The following VSTM1 variants were observed in gnomAD, a reference collection of about 807,000 sequenced individuals.
VSTM1 encodes V-set and transmembrane domain-containing protein 1.
In VSTM1, 27 loss-of-function variants were observed where a neutral mutation model predicts 33.1. The ratio of observed to expected loss-of-function variants is 0.82; its 90% CI spans 0.60 to 1.12. The LOEUF (loss-of-function observed/expected upper bound fraction) is 1.12, where lower values mean the gene tolerates loss of function less well. Ranked by LOEUF, VSTM1 falls within the 50% of genes most tolerant of loss-of-function variation. VSTM1 has a pLI of 0.00. For missense variants in VSTM1, 304 were observed against 288.9 expected, an observed-to-expected ratio of 1.05 and a Z score of -0.38; for synonymous variants, 115 against 110.3, an observed-to-expected ratio of 1.04 and a Z score of -0.27.
At chr19:54,044,433 G>A (rs1348039780) in intron 4 of VSTM1, among the ~76,000 whole-genome samples, 1 of 152,004 alleles carries the variant, frequency 6.6e-6, no homozygotes, top group Non-Finnish European at 1.5e-5. Flanking sequence ...GGTGGCGCAC[G>A]CCTGTAGTCC....
chr19:54,060,151 C>T (rs912089408), intron 1 of VSTM1, among the ~76,000 whole-genome samples: 3 of 152,054 alleles, frequency 2.0e-5, no homozygotes, highest in South Asian at 2.1e-4. Flanking sequence ...CGCGCCCGGC[C>T]GAGAGGAGGG....
In VSTM1 at chr19:54,040,989, G is replaced by C. The variant is rs775598769; in HGVS notation, c.683C>G (p.Ser228Cys). ...CACTTTCAGTGCCGCATATTCATGAGATCCTGGGGGCTCCTGGGTGGTGTC... is the reference window on the plus strand; with the variant it reads ...CACTTTCAGTGCCGCATATTCATGACATCCTGGGGGCTCCTGGGTGGTGTC... ...ASDTTQEPPG[S>C]HEYAALKV The change falls in exon 9 of 9, where the codon TCT (serine) becomes TGT (cysteine). Residue 228 changes from serine (S) to cysteine (C), a missense_variant. Transcript: ENST00000338372. 1.2e-6 allele frequency: 2 copies of C among 1,610,686 alleles called. No homozygotes were observed. Among genetic ancestry groups the C allele is most frequent in the Non-Finnish European group, 1.7e-6 (2 of 1,178,782 alleles).
intron 5 of VSTM1, 21 bp downstream of exon 5, chr19:54,042,256 C>T (rs1334564256): frequency 6.2e-7 from 1 of 1,613,814 alleles, no homozygotes; most frequent in African/African-American, 1.3e-5. Context: ...CCCTCTCTCC[C>T]TTTGCGTTCT....
rs530671988 is a variant in VSTM1, at chr19:54,055,968, C to T, written c.355+2338G>A. ...TGCTGCCCTTGGTGGGACCTCCCCT[C>T]GCAGGGTTAGTTAATTTCTAGAGCC... On this transcript the variant is annotated intron_variant, in intron 3 of 8. Transcript: ENST00000338372. Among the ~76,000 whole-genome samples the T allele has an allele frequency of 2.1e-5, 3 of 141,088 alleles. 1 individual carries two copies. The highest frequency in any genetic ancestry group is 7.8e-5 in the African/African-American group (3 of 38,248). 92.6% of individuals were successfully genotyped at this position (141,088 alleles called of 152,430 possible).
chr19:54,044,508 C>T (rs756145834), intron 4 of VSTM1, among the ~76,000 whole-genome samples: 8 of 152,050 alleles, frequency 5.3e-5, no homozygotes, highest in Non-Finnish European at 1.0e-4. Context: ...TGCAGTGAGC[C>T]GAGATCGCAT....
intron 8 of VSTM1, among the ~76,000 whole-genome samples, chr19:54,041,365 G>A (rs1447694258): frequency 6.6e-6 from 1 of 151,822 alleles, no homozygotes; most frequent in East Asian, 1.9e-4. Context: ...GCGGTGGCGT[G>A]ATCTCGGCTC....
In VSTM1 at chr19:54,042,371, TG is replaced by T; in HGVS notation, c.395-3del. 3.7e-6 allele frequency: 6 copies of T among 1,612,876 alleles called. No homozygotes were observed. The highest frequency in any genetic ancestry group is 5.1e-6 in the Non-Finnish European group (6 of 1,179,662). ...TGGCGACAAAGATGGTTCTGGTGTC[TG>T]GAGGGGGAAGAGCAGGTCAGGGAAT... On this transcript the variant is annotated splice_polypyrimidine_tract_variant and splice_region_variant and intron_variant, in intron 4 of 8. Coordinates refer to ENST00000338372, the MANE Select transcript of VSTM1 (RefSeq NM_198481.4).
At chr19:54,060,350 T>C (rs567366222) in intron 1 of VSTM1, among the ~76,000 whole-genome samples, 2 of 152,140 alleles carry the variant, frequency 1.3e-5, no homozygotes, top group Non-Finnish European at 2.9e-5. Context: ...ATGTCAGTCA[T>C]GGGGCTTGTT....
intron 3 of VSTM1, among the ~76,000 whole-genome samples, chr19:54,052,263 T>A (rs1298210456): frequency 1.3e-5 from 2 of 149,170 alleles, no homozygotes; most frequent in African/African-American, 2.5e-5. Flanking sequence ...CCGAGCGTGG[T>A]GGCGGGCCCC....
chr19:54,061,011 C>CTTTT, intron 1 of VSTM1, among the ~76,000 whole-genome samples: 1 of 121,086 alleles, frequency 8.3e-6, no homozygotes, highest in African/African-American at 2.8e-5. Context: ...TATTCTTTTT[C>CTTTT]TTTTCTTTTT....
chr19:54,058,041 C>T (rs572989424), intron 3 of VSTM1, among the ~76,000 whole-genome samples: 1 of 151,864 alleles, frequency 6.6e-6, no homozygotes, highest in African/African-American at 2.4e-5. Context: ...GAGATGGAGA[C>T]CATCCTGGCT....
At chr19:54,051,845 C>T (rs955236406) in intron 3 of VSTM1, among the ~76,000 whole-genome samples, 2 of 152,038 alleles carry the variant, frequency 1.3e-5, no homozygotes, top group Non-Finnish European at 2.9e-5. Context: ...ACTGCAACCT[C>T]CGCCTCCCGG....
At chr19:54,046,015 C>T (rs902639462) in intron 4 of VSTM1, among the ~76,000 whole-genome samples, 1 of 152,084 alleles carries the variant, frequency 6.6e-6, no homozygotes, top group African/African-American at 2.4e-5. Flanking sequence ...TCTATCATAT[C>T]TAGTTATCTA....
chr19:54,058,886 T>C (rs1388142087), intron 1 of VSTM1, among the ~76,000 whole-genome samples, 154 bp from the exon 2 acceptor site: 8 of 148,044 alleles, frequency 5.4e-5, no homozygotes, highest in Non-Finnish European at 1.0e-4. Flanking sequence ...TAAGTATATG[T>C]ACACATATTA....
intron 4 of VSTM1, among the ~76,000 whole-genome samples, chr19:54,046,210 A>G (rs1222091058): frequency 6.6e-6 from 1 of 152,082 alleles, no homozygotes; most frequent in Non-Finnish European, 1.5e-5. Flanking sequence ...ATCACATCTA[A>G]TTATCTATCT....
chr19:54,058,801 TA>T, intron 1 of VSTM1, 69 bp from the exon 2 acceptor site: 1 of 1,309,098 alleles, frequency 7.6e-7, no homozygotes, highest in East Asian at 2.3e-5. Context: ...GCAGAGAACG[TA>T]TGACTAGCTC....
intron 8 of VSTM1, 122 bp downstream of exon 8, chr19:54,041,657 T>G: frequency 1.8e-6 from 2 of 1,134,260 alleles, no homozygotes. Flanking sequence ...TTTCGTGACT[T>G]GTCTAAGACC....
At chr19:54,056,561 C>T (rs2071109293) in intron 3 of VSTM1, among the ~76,000 whole-genome samples, 1 of 139,974 alleles carries the variant, frequency 7.1e-6, no homozygotes, top group African/African-American at 2.6e-5. Context: ...AATCAAAGCT[C>T]TGGTCCACAG....
At chr19:54,055,118 C>A (rs2071029447) in intron 3 of VSTM1, among the ~76,000 whole-genome samples, 1 of 140,090 alleles carries the variant, frequency 7.1e-6, no homozygotes, top group Non-Finnish European at 1.6e-5. Context: ...TGCATCTTCT[C>A]ACTGTGGTCC....
Sources: gnomAD v4.1 joint callset for allele counts (sites outside exome capture counted in the v4.1 genomes callset) on GRCh38, gnomAD v4.1.1 for gene constraint, MANE v1.5 for transcripts, NCBI Gene and HGNC (gene_info 2026-07-23, HGNC 2026-07-21) for gene names.